The following DCHS2 variants were observed in gnomAD, a reference collection of about 807,000 sequenced individuals.
The protein encoded by DCHS2 is dachsous cadherin-related 2.
A neutral mutation model predicts 182.4 loss-of-function variants in DCHS2; 142 were observed. That is an observed-to-expected ratio of 0.78 (90% confidence interval 0.68 to 0.89). The LOEUF (loss-of-function observed/expected upper bound fraction) is 0.89, where lower values mean the gene tolerates loss of function less well. DCHS2 is among the 40% of genes least tolerant of loss of function. DCHS2 has a pLI of 0.00. For synonymous variants in DCHS2, 1,740 were observed against 1,663.3 expected, an observed-to-expected ratio of 1.05 and a Z score of -1.12; for missense variants, 4,319 against 4,198.6, an observed-to-expected ratio of 1.03 and a Z score of -0.79.
intron 16 of DCHS2, among the ~76,000 whole-genome samples, chr4:154,249,664 G>T (rs750341892): frequency 2.0e-5 from 3 of 152,066 alleles, no homozygotes; most frequent in Non-Finnish European, 4.4e-5. Flanking sequence ...GGCAACCTAG[G>T]TGCCTGTTAA....
chr4:154,487,389 G>A (rs1229326448), intron 1 of DCHS2, among the ~76,000 whole-genome samples: 2 of 152,182 alleles, frequency 1.3e-5, no homozygotes, highest in African/African-American at 2.4e-5. Context: ...TCTCTCAGAC[G>A]GAGGAGAAAC....
chr4:154,251,758 AT>A (rs1261054453), intron 16 of DCHS2, among the ~76,000 whole-genome samples: 1 of 152,142 alleles, frequency 6.6e-6, no homozygotes, highest in African/African-American at 2.4e-5. Context: ...ACCTCAGGTG[AT>A]CTGCCCGCCT....
intron 1 of DCHS2, among the ~76,000 whole-genome samples, chr4:154,432,140 G>A (rs1733584539): frequency 6.6e-6 from 1 of 152,128 alleles, no homozygotes; most frequent in Non-Finnish European, 1.5e-5. Context: ...GAAGTTCTAA[G>A]AGATCATAAA....
chr4:154,385,324 T>C (rs1731356162), intron 1 of DCHS2, among the ~76,000 whole-genome samples: 1 of 152,290 alleles, frequency 6.6e-6, no homozygotes, highest in East Asian at 1.9e-4. Context: ...AGTCTATCAT[T>C]GTTGAACATT....
chr4:154,363,351 G>A (rs1260055757), intron 3 of DCHS2, among the ~76,000 whole-genome samples: 1 of 152,136 alleles, frequency 6.6e-6, no homozygotes, highest in Non-Finnish European at 1.5e-5. Context: ...TGAAAATGTA[G>A]TATATATACA....
chr4:154,252,065 T>TTTATG, intron 16 of DCHS2, among the ~76,000 whole-genome samples: 1 of 152,286 alleles, frequency 6.6e-6, no homozygotes, highest in East Asian at 1.9e-4. Context: ...CTTTTTCCAT[T>TTTATG]TTATGTTTTA....
At chr4:154,460,173 A>C (rs1734953679) in intron 1 of DCHS2, among the ~76,000 whole-genome samples, 1 of 152,214 alleles carries the variant, frequency 6.6e-6, no homozygotes. Context: ...CCAATGATTT[A>C]ATTAGAGATG....
chr4:154,473,283 G>C (rs531709542), intron 1 of DCHS2, among the ~76,000 whole-genome samples: 18 of 152,210 alleles, frequency 1.2e-4, no homozygotes, highest in Non-Finnish European at 2.6e-4. Flanking sequence ...GATTCCCAGA[G>C]TTGGGGAGCA....
intron 1 of DCHS2, among the ~76,000 whole-genome samples, chr4:154,400,135 C>G (rs1732101781): frequency 6.6e-6 from 1 of 151,906 alleles, no homozygotes; most frequent in East Asian, 1.9e-4. Context: ...AACCCCGTCT[C>G]TACTAAAAAT....
chr4:154,366,684 T>G (rs375500415), intron 2 of DCHS2, among the ~76,000 whole-genome samples: 1 of 151,968 alleles, frequency 6.6e-6, no homozygotes, highest in Non-Finnish European at 1.5e-5. Context: ...CGTCTTTATA[T>G]TCATTTTATT....
chr4:154,336,986 C>T (rs1323852387), intron 3 of DCHS2, among the ~76,000 whole-genome samples: 1 of 152,054 alleles, frequency 6.6e-6, no homozygotes, highest in Non-Finnish European at 1.5e-5. Context: ...TATTAGAATA[C>T]CATAAAATAC....
At chr4:154,464,100 A>G (rs1735137197) in intron 1 of DCHS2, among the ~76,000 whole-genome samples, 1 of 152,170 alleles carries the variant, frequency 6.6e-6, no homozygotes, top group Non-Finnish European at 1.5e-5. Flanking sequence ...CGGCAATGTC[A>G]CCATGTAAAA....
At chr4:154,482,842 G>A (rs959379556) in intron 1 of DCHS2, among the ~76,000 whole-genome samples, 3 of 152,064 alleles carry the variant, frequency 2.0e-5, no homozygotes, top group Non-Finnish European at 2.9e-5. Flanking sequence ...ATGGTGGCAG[G>A]CAAAAACACA....
chr4:154,309,047 A>G (rs114148099), intron 10 of DCHS2, among the ~76,000 whole-genome samples: 5,734 of 152,192 alleles, frequency 0.038, 147 homozygotes, highest in Non-Finnish European at 0.058. Flanking sequence ...TATCTTTCCA[A>G]CCTCTTTTCA....
At chr4:154,382,004 T>C (rs948944013) in intron 1 of DCHS2, among the ~76,000 whole-genome samples, 1 of 152,146 alleles carries the variant, frequency 6.6e-6, no homozygotes, top group South Asian at 2.1e-4. Flanking sequence ...AGAACAAAGT[T>C]GGAGGCATCA....
At chr4:154,289,052 T>C (rs1188543241) in intron 13 of DCHS2, among the ~76,000 whole-genome samples, 1 of 151,904 alleles carries the variant, frequency 6.6e-6, no homozygotes, top group African/African-American at 2.4e-5. Context: ...TCAAAATTGG[T>C]AGCAGAAAAG....
chr4:154,301,609 G>A (rs1332962595), intron 12 of DCHS2, among the ~76,000 whole-genome samples: 1 of 152,082 alleles, frequency 6.6e-6, no homozygotes, highest in Non-Finnish European at 1.5e-5. Context: ...GGGTTCAAGC[G>A]ATTCTCCTGC....
At chr4:154,281,827 A>T (rs1734162818) in intron 13 of DCHS2, among the ~76,000 whole-genome samples, 1 of 152,230 alleles carries the variant, frequency 6.6e-6, no homozygotes, top group Admixed American at 6.5e-5. Context: ...GAATAAAGAC[A>T]GACATATAGA....
At position 154,314,220 on chromosome 4, in the gene DCHS2, C is replaced by T. The variant is rs145138643; in HGVS notation, c.5260+1528G>A. ...AATAAGTTCAGTATATGTCTATATA[C>T]TTTGGGAAGTAGTTTTTGCATTGCT... On this transcript the variant is annotated intron_variant, in intron 10 of 19. Transcript: ENST00000357232. 2.2e-3 allele frequency among the ~76,000 whole-genome samples: 329 copies of T among 152,226 alleles called. 5 individuals carry two copies. In the South Asian group the frequency reaches 0.031, roughly 14 times the overall value.
Sources: allele counts gnomAD v4.1 joint callset (sites outside exome capture counted in the v4.1 genomes callset), GRCh38; gene constraint gnomAD v4.1.1; transcripts MANE v1.5; gene names NCBI Gene and HGNC (gene_info 2026-07-23, HGNC 2026-07-21).